Variants in KCNIP4 observed in about 807,000 individuals in gnomAD.
KCNIP4 encodes Kv channel-interacting protein 4.
In KCNIP4, 12 loss-of-function variants were observed where a neutral mutation model predicts 34.0. The ratio of observed to expected loss-of-function variants is 0.35; its 90% CI spans 0.23 to 0.57. KCNIP4 has a LOEUF of 0.57. Ranked by LOEUF, KCNIP4 falls within the 20% of genes least tolerant of loss-of-function variation. The probability of loss-of-function intolerance (pLI) is 0.83; values close to 1 mark genes in which losing one functional copy is unlikely to be tolerated. For synonymous variants in KCNIP4, 124 were observed against 102.2 expected (o/e 1.21, Z -1.29); for missense variants, 238 against 311.7 (o/e 0.76, Z 1.78).
At chr4:21,174,983 G>A (rs1577832396) in intron 1 of KCNIP4, among the ~76,000 whole-genome samples, 1 of 150,588 alleles carries the variant, frequency 6.6e-6, no homozygotes, top group South Asian at 2.1e-4. Flanking sequence ...ATATGATTTT[G>A]TTACTTTTTT....
chr4:21,410,567 G>A (rs1724413824), intron 1 of KCNIP4, among the ~76,000 whole-genome samples: 1 of 152,172 alleles, frequency 6.6e-6, no homozygotes, highest in East Asian at 1.9e-4. Context: ...TTAGCCATGT[G>A]AGTGAACCAT....
intron 1 of KCNIP4, among the ~76,000 whole-genome samples, chr4:21,434,773 A>AGGGG (rs1560402283): frequency 1.0e-5 from 1 of 96,114 alleles, no homozygotes; most frequent in South Asian, 3.8e-4. Context: ...TGTGGGGGGA[A>AGGGG]AAAAAAAAAA....
intron 4 of KCNIP4, among the ~76,000 whole-genome samples, chr4:20,755,579 G>A (rs1002262991): frequency 6.6e-6 from 1 of 152,136 alleles, no homozygotes; most frequent in Non-Finnish European, 1.5e-5. Context: ...ACATTCTAGT[G>A]GAGAGAAAGA....
At chr4:21,367,044 A>G (rs547244769) in intron 1 of KCNIP4, among the ~76,000 whole-genome samples, 1 of 152,138 alleles carries the variant, frequency 6.6e-6, no homozygotes, top group African/African-American at 2.4e-5. Flanking sequence ...CCCTCCTGCC[A>G]TGTGAGGACA....
At chr4:21,757,160 AAAG>A (rs1560691175) in intron 1 of KCNIP4, among the ~76,000 whole-genome samples, 3 of 30,260 alleles carry the variant, frequency 9.9e-5, no homozygotes, top group African/African-American at 1.8e-4. Context: ...AGAAAGAAAG[AAAG>A]AAAGAAGGAA....
At chr4:20,779,522 T>C (rs1756661299) in intron 3 of KCNIP4, among the ~76,000 whole-genome samples, 1 of 150,194 alleles carries the variant, frequency 6.7e-6, no homozygotes, top group South Asian at 2.1e-4. Flanking sequence ...CTTCTCAAAA[T>C]ATATTGATAA....
chr4:20,735,016 G>T (rs1749248343), intron 5 of KCNIP4, among the ~76,000 whole-genome samples: 1 of 152,086 alleles, frequency 6.6e-6, no homozygotes, highest in Non-Finnish European at 1.5e-5. Flanking sequence ...AGTATAAGTG[G>T]TATTGGCTTT....
intron 1 of KCNIP4, among the ~76,000 whole-genome samples, chr4:21,568,298 C>A: frequency 6.6e-6 from 1 of 151,990 alleles, no homozygotes; most frequent in Non-Finnish European, 1.5e-5. Context: ...GTAAAGTGGG[C>A]CCCTAAACCA....
At chr4:20,903,819 C>A (rs548022446) in intron 1 of KCNIP4, among the ~76,000 whole-genome samples, 1 of 152,066 alleles carries the variant, frequency 6.6e-6, no homozygotes, top group Non-Finnish European at 1.5e-5. Context: ...CTCTTTTCAT[C>A]GGCAGAAATT....
At chr4:21,707,753 T>C (rs370793441) in intron 1 of KCNIP4, among the ~76,000 whole-genome samples, 14 of 152,182 alleles carry the variant, frequency 9.2e-5, no homozygotes, top group African/African-American at 2.6e-4. Context: ...GGCTTGGAAT[T>C]TGGATTCTGT....
intron 1 of KCNIP4, among the ~76,000 whole-genome samples, chr4:21,059,458 C>T (rs569805917): frequency 9.9e-5 from 15 of 152,042 alleles, no homozygotes; most frequent in Non-Finnish European, 1.9e-4. Context: ...GCCATGGATC[C>T]TAAGGCCAAG....
Position 21,025,576 on chromosome 4 carries a change from C to T in KCNIP4, c.62-142867G>A, listed in dbSNP as rs1261465921. 2.8e-4 allele frequency among the ~76,000 whole-genome samples: 10 copies of T among 35,358 alleles called. 1 individual carries two copies. Among genetic ancestry groups the T allele is most frequent in the Non-Finnish European group, 4.6e-4 (9 of 19,628 alleles). 23.2% of individuals were successfully genotyped at this position (35,358 alleles called of 152,430 possible). A position where few individuals can be genotyped will look rare whatever the true frequency, so the allele number is the denominator to read the frequency against. On this transcript the variant is annotated intron_variant, in intron 1 of 8. Transcript: ENST00000382152. ...TTTTTTTTTTTTTTTTTTTTTGAGA[C>T]GGAGTCTCACTCTGTTGCCCAGGCT...
intron 1 of KCNIP4, chr4:21,847,435 G>A (rs994237185): frequency 1.6e-4 from 25 of 152,162 alleles, no homozygotes; most frequent in African/African-American, 5.8e-4. Context: ...ACATTTTCTT[G>A]TTTCAACTCT....
At chr4:21,565,800 G>A (rs1560521106) in intron 1 of KCNIP4, among the ~76,000 whole-genome samples, 1 of 152,108 alleles carries the variant, frequency 6.6e-6, no homozygotes. Context: ...GAGGAGTGCA[G>A]AGAGCTCTAA....
chr4:21,059,430 G>A (rs1743719745), intron 1 of KCNIP4, among the ~76,000 whole-genome samples: 1 of 152,080 alleles, frequency 6.6e-6, no homozygotes, highest in African/African-American at 2.4e-5. Context: ...TACATTTTCT[G>A]CTGCTGGGGA....
chr4:21,472,708 T>C (rs1298537454), intron 1 of KCNIP4, among the ~76,000 whole-genome samples: 1 of 152,182 alleles, frequency 6.6e-6, no homozygotes, highest in Non-Finnish European at 1.5e-5. Flanking sequence ...GTTCAGGTTA[T>C]CGGTAAAATC....
intron 1 of KCNIP4, among the ~76,000 whole-genome samples, chr4:20,883,431 G>A (rs1724935679): frequency 1.3e-5 from 2 of 152,114 alleles, no homozygotes; most frequent in Non-Finnish European, 2.9e-5. Flanking sequence ...ACCTGGAGAT[G>A]ACTCAAGAAA....
intron 1 of KCNIP4, among the ~76,000 whole-genome samples, chr4:21,284,894 C>T (rs1763015442): frequency 6.6e-6 from 1 of 152,026 alleles, no homozygotes; most frequent in Non-Finnish European, 1.5e-5. Context: ...TCCAAGAGAC[C>T]TGAGCAGACC....
rs374606756 is a variant in KCNIP4, at chr4:21,945,653, C to T, written c.61+2918G>A. On this transcript the variant is annotated intron_variant, in intron 1 of 8. Coordinates refer to ENST00000382152, the MANE Select transcript of KCNIP4 (RefSeq NM_025221.6). ...CATCTGCCATCTCTAAGTTAGATGG[C>T]ACAAATTAAGGACACCAATGAATAA... 5.3e-5 allele frequency among the ~76,000 whole-genome samples: 8 copies of T among 152,094 alleles called. No individual in the cohort carries two copies. In the East Asian group the frequency reaches 1.6e-3, roughly 30 times the overall value.
Sources: gnomAD v4.1 joint callset for allele counts (sites outside exome capture counted in the v4.1 genomes callset) on GRCh38, gnomAD v4.1.1 for gene constraint, MANE v1.5 for transcripts, NCBI Gene and HGNC (gene_info 2026-07-23, HGNC 2026-07-21) for gene names.